Variants in TMC5 observed in about 807,000 individuals in gnomAD.
TMC5 encodes the protein transmembrane channel like 5.
TMC5 carries 86 observed loss-of-function variants against 110.5 expected under a neutral mutation model. That is an observed-to-expected ratio of 0.78 (90% CI 0.65 to 0.93). The LOEUF (loss-of-function observed/expected upper bound fraction) is 0.93. Among genes scored for constraint, TMC5 ranks in the 40% least tolerant of loss-of-function variants. The pLI is 0.00. For missense variants in TMC5, 1,144 were observed against 1,222.8 expected (o/e 0.94, Z 0.96); for synonymous variants, 455 against 439.5 (o/e 1.04, Z -0.44).
intron 12 of TMC5, 142 bp downstream of exon 12, chr16:19,474,418 T>TG (rs1206342320): frequency 1.0e-6 from 1 of 969,354 alleles, no homozygotes; most frequent in African/African-American, 1.6e-5. Context: ...CTGGGCGTGG[T>TG]GGCTCATGTC....
At chr16:19,473,460 C>A (rs1371631602) in intron 11 of TMC5, among the ~76,000 whole-genome samples, 2 of 140,240 alleles carry the variant, frequency 1.4e-5, no homozygotes, top group African/African-American at 5.3e-5. Context: ...TGAAAATGAA[C>A]AAGGCCACTT....
chr16:19,420,381 T>G (rs1056180407), intron 1 of TMC5, among the ~76,000 whole-genome samples: 1 of 151,120 alleles, frequency 6.6e-6, no homozygotes, highest in Non-Finnish European at 1.5e-5. Context: ...TGAGCTGAGA[T>G]CATGCCACTG....
At position 19,474,285 on chromosome 16, in the gene TMC5, T is replaced by C; in HGVS notation, c.2090+9T>C. 1 of 1,612,952 alleles carries C rather than the reference T, an allele frequency of 6.2e-7. No homozygotes were observed. Among genetic ancestry groups the C allele is most frequent in the South Asian group, 1.1e-5 (1 of 90,922 alleles). ...TACGTTCTCCTGATCCGGTAGGTGATGTGTCGCGCCCAACACCAGCCTCTA... is the reference window on the plus strand; with the variant it reads ...TACGTTCTCCTGATCCGGTAGGTGACGTGTCGCGCCCAACACCAGCCTCTA... On this transcript the variant is annotated intron_variant, in intron 12 of 21. Coordinates refer to ENST00000542583, the MANE Select transcript of TMC5 (RefSeq NM_001261841.2).
intron 2 of TMC5, among the ~76,000 whole-genome samples, chr16:19,431,706 T>C (rs924309007): frequency 6.6e-6 from 1 of 152,148 alleles, no homozygotes; most frequent in African/African-American, 2.4e-5. Flanking sequence ...AGGTAATAAA[T>C]GGCCTCAATT....
chr16:19,465,057 T>TTTCCTTCC (rs199826537), intron 8 of TMC5, among the ~76,000 whole-genome samples: 8 of 110,894 alleles, frequency 7.2e-5, no homozygotes, highest in Middle Eastern at 4.2e-3. Flanking sequence ...CTTTCTTTCT[T>TTTCCTTCC]TTCCTTCCTT....
rs1968616414 is a variant in TMC5, at chr16:19,481,411, A to G, written c.2309A>G (p.Glu770Gly). ...CTGATCACAAGTCTTGGCCTTCAGG[A>G]GTTTGACATTGCCAGGAACGTTCTA... ...MQLITSLGLQ[E>G]FDIARNVLEL... is the part of the protein sequence containing the mutation. The change falls in exon 15 of 22, where the codon GAG becomes GGG. Residue 770 changes from glutamate (E) to glycine (G), a missense_variant. Glu to Gly is a moderately conservative substitution (Grantham distance 98). Transcript: ENST00000542583. The G allele has an allele frequency of 1.2e-6, 2 of 1,614,108 alleles. No homozygotes were observed. The highest frequency in any genetic ancestry group is 2.7e-5 in the African/African-American group (2 of 75,036).
intron 17 of TMC5, among the ~76,000 whole-genome samples, chr16:19,489,905 C>T (rs887159554): frequency 1.3e-5 from 2 of 151,894 alleles, no homozygotes; most frequent in African/African-American, 4.8e-5. Context: ...CCTCCCACCT[C>T]AGCCTCCTAT....
At chr16:19,410,899 G>C (rs530077589) in exon 1 of TMC5, 2 of 152,298 alleles carry the variant, frequency 1.3e-5, no homozygotes, top group Non-Finnish European at 2.9e-5. Flanking sequence ...TCCCCAATGC[G>C]GGGCGCCCAA....
At chr16:19,476,643 T>C (rs1968497219) in intron 12 of TMC5, among the ~76,000 whole-genome samples, 1 of 152,194 alleles carries the variant, frequency 6.6e-6, no homozygotes, top group African/African-American at 2.4e-5. Context: ...GTACATTTAC[T>C]ATCATTATAA....
intron 21 of TMC5, among the ~76,000 whole-genome samples, chr16:19,497,578 C>A (rs1340452171): frequency 6.6e-6 from 1 of 152,154 alleles, no homozygotes; most frequent in East Asian, 1.9e-4. Context: ...TGTGGCAGTT[C>A]CCTTGATCAC....
chr16:19,487,814 T>C (rs1026191438), intron 17 of TMC5: 3 of 152,020 alleles, frequency 2.0e-5, no homozygotes, highest in African/African-American at 4.8e-5. Context: ...AAAGATAGTT[T>C]ATTACTCACA....
chr16:19,454,101 G>A (rs1967811642), intron 5 of TMC5, among the ~76,000 whole-genome samples: 1 of 152,040 alleles, frequency 6.6e-6, no homozygotes, highest in African/African-American at 2.4e-5. Context: ...AGGCTGGAGT[G>A]GAGTGGAGTG....
At chr16:19,426,729 T>C (rs1292164344) in intron 1 of TMC5, among the ~76,000 whole-genome samples, 1 of 152,240 alleles carries the variant, frequency 6.6e-6, no homozygotes, top group Non-Finnish European at 1.5e-5. Context: ...AATTTAATCA[T>C]CTTAAAACAT....
At position 19,447,113 on chromosome 16, in the gene TMC5, G is replaced by A. The variant is rs114598733; in HGVS notation, c.959-2429G>A. Among the ~76,000 whole-genome samples, 708 of 152,242 alleles carry A rather than the reference G, an allele frequency of 4.7e-3. 2 individuals are homozygous for A. The highest frequency in any genetic ancestry group is 0.016 in the African/African-American group (674 of 41,546). ...CAAACAACTCCAAAAATCCAGAGTCGTACAATAAACAAGCATTTTCTTCTT... is the reference window on the plus strand; with the variant it reads ...CAAACAACTCCAAAAATCCAGAGTCATACAATAAACAAGCATTTTCTTCTT... On this transcript the variant is annotated intron_variant, in intron 4 of 21. Transcript: ENST00000542583.
chr16:19,470,323 G>C (rs1004581158), intron 10 of TMC5, among the ~76,000 whole-genome samples: 3 of 152,030 alleles, frequency 2.0e-5, no homozygotes, highest in African/African-American at 7.2e-5. Context: ...CAAGTAGCTG[G>C]GATTACAGGC....
At chr16:19,462,540 A>G in intron 6 of TMC5, 1 of 702,192 alleles carries the variant, frequency 1.4e-6, no homozygotes, top group Non-Finnish European at 2.6e-6. Context: ...GGACGAAGGA[A>G]GAGCAAAGGC....
chr16:19,497,578 C>T (rs1340452171), intron 21 of TMC5, among the ~76,000 whole-genome samples: 1 of 152,272 alleles, frequency 6.6e-6, no homozygotes, highest in South Asian at 2.1e-4. Context: ...TGTGGCAGTT[C>T]CCTTGATCAC....
In TMC5 at chr16:19,490,501, G is replaced by C; in HGVS notation, c.2680G>C (p.Val894Leu). The C allele has an allele frequency of 3.1e-6, 5 of 1,614,130 alleles. No individual in the cohort carries two copies. Among genetic ancestry groups the C allele is most frequent in the Non-Finnish European group, 4.2e-6 (5 of 1,180,030 alleles). ...AAGTACACGGCCTGGCTACCTGTGG[G>C]TTGTTTGGATCTATCGGAACCTCAT... ...TLSTRPGYLW[V>L]VWIYRNLIGS... is the part of the protein sequence containing the mutation. Residue 894 changes from valine to leucine, a missense_variant, in exon 18 of 22, where the codon GTT becomes CTT. Coordinates refer to ENST00000542583, the MANE Select transcript of TMC5 (RefSeq NM_001261841.2).
At chr16:19,482,890 A>AT (rs1182276679) in intron 15 of TMC5, among the ~76,000 whole-genome samples, 1 of 151,664 alleles carries the variant, frequency 6.6e-6, no homozygotes, top group African/African-American at 2.4e-5. Flanking sequence ...TTTTCTTATT[A>AT]TTTTTTTGAG....
Sources: allele counts gnomAD v4.1 joint callset (sites outside exome capture counted in the v4.1 genomes callset), GRCh38; gene constraint gnomAD v4.1.1; transcripts MANE v1.5; gene names NCBI Gene and HGNC (gene_info 2026-07-23, HGNC 2026-07-21).